The following ZNRF3 variants were observed in gnomAD, a reference collection of about 807,000 sequenced individuals.
ZNRF3 encodes zinc and ring finger 3, also known as E3 ubiquitin-protein ligase ZNRF3.
Under a neutral mutation model 72.5 loss-of-function variants are expected in ZNRF3, and 23 were observed. That is an observed-to-expected ratio of 0.32 (90% confidence interval 0.23 to 0.45). The LOEUF (loss-of-function observed/expected upper bound fraction) is 0.45. Among genes scored for constraint, ZNRF3 ranks in the 20% least tolerant of loss-of-function variants. ZNRF3 has a pLI of 1.00. For missense variants in ZNRF3, 1,169 were observed against 1,272.1 expected, an observed-to-expected ratio of 0.92 and a Z score of 1.23; for synonymous variants, 610 against 545.3, an observed-to-expected ratio of 1.12 and a Z score of -1.65.
intron 2 of ZNRF3, among the ~76,000 whole-genome samples, chr22:29,040,006 C>T (rs766559381): frequency 1.3e-5 from 2 of 152,050 alleles, no homozygotes; most frequent in Admixed American, 6.6e-5. Context: ...ATGCCACTCT[C>T]GCCTCACACT....
In ZNRF3 at chr22:29,050,846, C is replaced by T. The variant is rs375016509; in HGVS notation, c.2665C>T (p.Arg889Trp). ...ALCCQARALLRPGCPPEEAGA... is the reference protein window; with the variant it reads ...ALCCQARALLWPGCPPEEAGA... Reference sequence around the variant, plus strand: ...GTGCTGCCAGGCTAGGGCCCTACTGCGGCCTGGCTGCCCTCCGGAGGAGGC... The same window carrying T: ...GTGCTGCCAGGCTAGGGCCCTACTGTGGCCTGGCTGCCCTCCGGAGGAGGC... The change falls in exon 8 of 9, where the codon CGG becomes TGG. Residue 889 changes from arginine to tryptophan, a missense_variant. Arg to Trp is a moderately radical substitution (Grantham distance 101). Around this residue, in one of 2 missense-constraint regions of ZNRF3, gnomAD observed 783 missense variants for 731.4 expected, o/e 1.07. Coordinates refer to ENST00000544604, the MANE Select transcript of ZNRF3 (RefSeq NM_001206998.2). 54 of 1,604,208 alleles carry T rather than the reference C, an allele frequency of 3.4e-5. No individual in the cohort carries two copies. The African/African-American group carries it at 6.4e-4, about 19-fold the overall frequency.
At chr22:28,886,902 G>A (rs2033798369) in intron 1 of ZNRF3, among the ~76,000 whole-genome samples, 1 of 152,172 alleles carries the variant, frequency 6.6e-6, no homozygotes, top group Non-Finnish European at 1.5e-5. Context: ...GTTGCAGTGA[G>A]CCATGATTAC....
At chr22:29,052,791 T>C (rs1190542452) in intron 8 of ZNRF3, among the ~76,000 whole-genome samples, 1 of 151,352 alleles carries the variant, frequency 6.6e-6, no homozygotes, top group East Asian at 1.9e-4. Context: ...CTGGGGAACA[T>C]AGAATGACCC....
At chr22:28,927,408 C>CA (rs910540057) in intron 1 of ZNRF3, among the ~76,000 whole-genome samples, 11 of 151,882 alleles carry the variant, frequency 7.2e-5, no homozygotes, top group South Asian at 2.1e-4. Context: ...AACAAACAAA[C>CA]AAAAAAAACC....
intron 1 of ZNRF3, among the ~76,000 whole-genome samples, chr22:28,900,947 T>A (rs79826186): frequency 6.6e-6 from 1 of 150,912 alleles, no homozygotes; most frequent in African/African-American, 2.5e-5. Context: ...CTACAACAAA[T>A]TTTTTTTAAA....
chr22:29,014,825 A>C (rs2123855229), intron 2 of ZNRF3, among the ~76,000 whole-genome samples: 1 of 152,358 alleles, frequency 6.6e-6, no homozygotes, highest in East Asian at 1.9e-4. Context: ...TGCAGCTGCA[A>C]GGCCAACAAA....
At chr22:28,993,243 T>C (rs1387583764) in intron 2 of ZNRF3, among the ~76,000 whole-genome samples, 3 of 152,244 alleles carry the variant, frequency 2.0e-5, no homozygotes, top group Admixed American at 6.5e-5. Flanking sequence ...GCATCTGTTA[T>C]TTTAAATGCT....
chr22:29,008,915 G>A (rs1427421128), intron 2 of ZNRF3, among the ~76,000 whole-genome samples: 4 of 152,146 alleles, frequency 2.6e-5, no homozygotes, highest in Non-Finnish European at 4.4e-5. Context: ...TTGTGCTAGG[G>A]TTTGTAATTT....
chr22:28,948,178 TA>T (rs1569257098), intron 1 of ZNRF3, among the ~76,000 whole-genome samples: 1 of 151,274 alleles, frequency 6.6e-6, no homozygotes, highest in African/African-American at 2.4e-5. Context: ...AAAATTTTTT[TA>T]AAAAAGATGT....
At chr22:29,035,010 T>G (rs954394990) in intron 2 of ZNRF3, among the ~76,000 whole-genome samples, 1 of 151,490 alleles carries the variant, frequency 6.6e-6, no homozygotes, top group Non-Finnish European at 1.5e-5. Flanking sequence ...TTTTTTTTTT[T>G]TTTTTTTTTT....
At chr22:29,042,631 G>T in intron 3 of ZNRF3, 62 bp downstream of exon 3, 2 of 1,477,730 alleles carry the variant, frequency 1.4e-6, no homozygotes, top group Non-Finnish European at 1.9e-6. Context: ...CCTTTAGTGA[G>T]CTTGGCTTGT....
intron 1 of ZNRF3, among the ~76,000 whole-genome samples, chr22:28,895,408 G>A (rs1303242656): frequency 6.6e-6 from 1 of 152,192 alleles, no homozygotes; most frequent in African/African-American, 2.4e-5. Flanking sequence ...GGCCGGGCAC[G>A]GTGGCTCACG....
At chr22:28,986,686 T>G in intron 1 of ZNRF3, 3 of 980,312 alleles carry the variant, frequency 3.1e-6, no homozygotes, top group Non-Finnish European at 3.6e-6. Context: ...CCAAACAATC[T>G]TGGATACTAA....
chr22:29,033,049 C>T (rs2036791900), intron 2 of ZNRF3, among the ~76,000 whole-genome samples: 1 of 152,110 alleles, frequency 6.6e-6, no homozygotes, highest in Admixed American at 6.5e-5. Flanking sequence ...TTGAAGAGAA[C>T]TAAAAGAAGC....
intron 1 of ZNRF3, among the ~76,000 whole-genome samples, chr22:28,982,062 C>T (rs1000881014): frequency 6.6e-6 from 1 of 152,018 alleles, no homozygotes; most frequent in African/African-American, 2.4e-5. Context: ...ATCCTTTGAT[C>T]ATTCTCTGTG....
chr22:28,997,019 G>T (rs955603326), intron 2 of ZNRF3, among the ~76,000 whole-genome samples: 1 of 152,174 alleles, frequency 6.6e-6, no homozygotes, highest in African/African-American at 2.4e-5. Flanking sequence ...CCCAAGTTCA[G>T]CTTAGCACTC....
rs543976327 is a variant in ZNRF3 at position 28,982,498 on chromosome 22, C to T, written c.301-4578C>T. ...GCAAGATTGCTTGAGCCTAGGGGGT[C>T]GAGGTTGCAGTAAGCTGTGATCACG... On this transcript the variant is annotated intron_variant, in intron 1 of 8. Transcript: ENST00000544604. Among the ~76,000 whole-genome samples, 27 of 144,364 alleles carry T rather than the reference C, an allele frequency of 1.9e-4. No individual in the cohort carries two copies. The East Asian group carries it at 5.1e-3, about 27-fold the overall frequency. 94.7% of individuals were successfully genotyped at this position (144,364 alleles called of 152,430 possible). A position where few individuals can be genotyped will look rare whatever the true frequency, so the allele number is the denominator to read the frequency against.
intron 1 of ZNRF3, among the ~76,000 whole-genome samples, chr22:28,986,366 T>C (rs1228488179): frequency 2.6e-5 from 4 of 152,196 alleles, no homozygotes; most frequent in African/African-American, 4.8e-5. Context: ...TCTCAGATTG[T>C]TATTAGGGAT....
intron 1 of ZNRF3, among the ~76,000 whole-genome samples, chr22:28,891,533 A>G: frequency 6.6e-6 from 1 of 152,286 alleles, no homozygotes; most frequent in East Asian, 1.9e-4. Context: ...CTTTGCTCAC[A>G]TTTAACAGAC....
Sources: allele counts gnomAD v4.1 joint callset (sites outside exome capture counted in the v4.1 genomes callset), GRCh38; gene constraint gnomAD v4.1.1; regional missense constraint gnomAD v4.1.1; transcripts MANE v1.5; gene names NCBI Gene and HGNC (gene_info 2026-07-23, HGNC 2026-07-21).